The following MICAL3 variants were observed in gnomAD, a reference collection of about 807,000 sequenced individuals.
The protein encoded by MICAL3 is microtubule associated monooxygenase, calponin and LIM domain containing 3.
In MICAL3, 62 loss-of-function variants were observed where a neutral mutation model predicts 207.4. That is an observed-to-expected ratio of 0.30 (90% confidence interval 0.24 to 0.37). The LOEUF (loss-of-function observed/expected upper bound fraction) is 0.37, where lower values mean the gene tolerates loss of function less well. Among genes scored for constraint, MICAL3 ranks in the 10% least tolerant of loss-of-function variants. The pLI, the probability that MICAL3 is intolerant of heterozygous loss-of-function variation, is 1.00. For synonymous variants in MICAL3, 1,077 were observed against 1,069.3 expected (o/e 1.01, Z -0.14); for missense variants, 2,368 against 2,635.6 (o/e 0.90, Z 2.22).
intron 20 of MICAL3, among the ~76,000 whole-genome samples, 172 bp from the exon 21 acceptor site, chr22:17,832,279 T>C (rs1922886757): frequency 6.6e-6 from 1 of 152,196 alleles, no homozygotes; most frequent in African/African-American, 2.4e-5. Flanking sequence ...TACCTGGGCA[T>C]GAGAAGCCAC....
chr22:17,996,811 A>G (rs116988777), intron 1 of MICAL3, among the ~76,000 whole-genome samples: 2,680 of 152,252 alleles, frequency 0.018, 28 homozygotes, highest in Middle Eastern at 0.034. Context: ...CGGAAGCTAA[A>G]GACCAAAAAG....
chr22:18,010,881 G>A (rs762596309), intron 1 of MICAL3, among the ~76,000 whole-genome samples: 5 of 152,078 alleles, frequency 3.3e-5, no homozygotes, highest in Non-Finnish European at 7.4e-5. Context: ...AATGGGGTAT[G>A]CCTTTCCCCA....
intron 1 of MICAL3, among the ~76,000 whole-genome samples, chr22:17,952,107 T>G (rs1934378675): frequency 6.6e-6 from 1 of 152,242 alleles, no homozygotes; most frequent in African/African-American, 2.4e-5. Context: ...GGAACGGGAC[T>G]GCAGCACTGG....
At chr22:17,968,075 T>C (rs927446791) in intron 1 of MICAL3, among the ~76,000 whole-genome samples, 1 of 151,002 alleles carries the variant, frequency 6.6e-6, no homozygotes, top group African/African-American at 2.4e-5. Flanking sequence ...AAAAATTAAA[T>C]AAAAATAATT....
chr22:17,904,767 C>G lies in MICAL3; in HGVS notation c.337G>C (p.Val113Leu), dbSNP rs750448038. 9.3e-6 allele frequency: 15 copies of G among 1,613,840 alleles called. No homozygotes were observed. The South Asian group carries it at 1.1e-4, about 12-fold the overall frequency. ...AAGGCATCTCGTTTCTCAATAACAA[C>G]CACCTTGGCCCCCAGTAAGGATAAG... ...IDLSLLGAKVVVIEKRDAFSR... is the reference protein window; with the variant it reads ...IDLSLLGAKVLVIEKRDAFSR... The change falls in exon 3 of 32, where the codon GTT (valine) becomes CTT (leucine). Residue 113 changes from valine (V) to leucine (L), a missense_variant. Physicochemically the swap from Val to Leu is conservative, Grantham distance 32. This residue lies in a region of MICAL3 where 400 missense variants were observed against 547.0 expected (regional missense o/e 0.73). Transcript: ENST00000441493.
intron 20 of MICAL3, among the ~76,000 whole-genome samples, chr22:17,837,212 G>A (rs1266170435): frequency 6.6e-6 from 1 of 152,368 alleles, no homozygotes; most frequent in Admixed American, 6.5e-5. Context: ...GCAGGAAAAG[G>A]GAGTGAGGCG....
chr22:18,011,878 C>T (rs34917269), intron 1 of MICAL3, among the ~76,000 whole-genome samples: 8,635 of 150,316 alleles, frequency 0.057, 353 homozygotes, highest in East Asian at 0.15. Context: ...GGCGACGGAG[C>T]GAGACTCTGT....
intron 16 of MICAL3, among the ~76,000 whole-genome samples, chr22:17,874,977 G>A (rs1221556173): frequency 6.6e-6 from 1 of 152,196 alleles, no homozygotes; most frequent in African/African-American, 2.4e-5. Flanking sequence ...CCTACAACTG[G>A]ACCAGCGCTA....
intron 19 of MICAL3, among the ~76,000 whole-genome samples, chr22:17,843,663 C>A (rs532403793): frequency 6.6e-6 from 1 of 152,354 alleles, no homozygotes; most frequent in Admixed American, 6.5e-5. Flanking sequence ...TTCCACTTAA[C>A]GCCTGCCACC....
rs534966888 is a variant in MICAL3, at chr22:17,915,788, TTC to T, written c.-74-8904_-74-8903del. 1.6e-3 allele frequency among the ~76,000 whole-genome samples: 248 copies of T among 152,096 alleles called. 2 individuals are homozygous for T. Among genetic ancestry groups the T allele is most frequent in the African/African-American group, 5.8e-3 (241 of 41,512 alleles). ...AATGTTCATTTCTCAAGGATTCGATTTCTGTGTAGAAGACCAAAATAGGCTGG... is the reference window on the plus strand; with the variant it reads ...AATGTTCATTTCTCAAGGATTCGATTTGTGTAGAAGACCAAAATAGGCTGG... On this transcript the variant is annotated intron_variant, in intron 1 of 31. Transcript: ENST00000441493.
At chr22:17,808,812 G>C in intron 29 of MICAL3, 32 bp downstream of exon 29, 1 of 1,530,736 alleles carries the variant, frequency 6.5e-7, no homozygotes, top group South Asian at 1.2e-5. Context: ...GCTTCCTCCA[G>C]GAGCAGAGCT....
intron 20 of MICAL3, among the ~76,000 whole-genome samples, chr22:17,833,840 G>A (rs563695841): frequency 6.2e-4 from 95 of 152,230 alleles, no homozygotes; most frequent in Middle Eastern, 3.4e-3. Flanking sequence ...TACTCCTGGC[G>A]TATCGTCACA....
At chr22:17,953,582 G>A (rs1310015496) in intron 1 of MICAL3, among the ~76,000 whole-genome samples, 1 of 152,046 alleles carries the variant, frequency 6.6e-6, no homozygotes, top group East Asian at 1.9e-4. Context: ...CAGGGCGGGG[G>A]ACATCAATAC....
At chr22:17,951,019 C>T (rs549983520) in intron 1 of MICAL3, among the ~76,000 whole-genome samples, 184 of 152,334 alleles carry the variant, frequency 1.2e-3, no homozygotes, top group Non-Finnish European at 2.1e-3. Context: ...TCTCCTACCA[C>T]GGGTCTTCCG....
At chr22:17,960,533 C>T in intron 1 of MICAL3, among the ~76,000 whole-genome samples, 1 of 152,150 alleles carries the variant, frequency 6.6e-6, no homozygotes, top group Middle Eastern at 3.2e-3. Flanking sequence ...CACCCTGGAA[C>T]ACCCCGCCCA....
At chr22:17,832,551 C>T (rs181360544) in intron 20 of MICAL3, among the ~76,000 whole-genome samples, 25 of 152,290 alleles carry the variant, frequency 1.6e-4, no homozygotes, top group African/African-American at 3.9e-4. Flanking sequence ...ACACTGAGAT[C>T]GCTGGTTTAC....
chr22:17,855,994 C>T (rs1925843607), intron 19 of MICAL3, among the ~76,000 whole-genome samples: 1 of 152,256 alleles, frequency 6.6e-6, no homozygotes, highest in Admixed American at 6.5e-5. Flanking sequence ...TGCCTAACTC[C>T]TATGTGCCTG....
chr22:17,868,823 G>A (rs771105723), intron 17 of MICAL3, among the ~76,000 whole-genome samples: 77 of 151,996 alleles, frequency 5.1e-4, no homozygotes, highest in Admixed American at 2.6e-3. Context: ...TGAACACCGA[G>A]AGCCCCCAGG....
chr22:17,951,553 T>C (rs559274772), intron 1 of MICAL3, among the ~76,000 whole-genome samples: 127 of 152,000 alleles, frequency 8.4e-4, no homozygotes, highest in Non-Finnish European at 5.1e-4. Flanking sequence ...CATGACCTTG[T>C]TCAGGTCAAA....
Sources: allele counts gnomAD v4.1 joint callset (sites outside exome capture counted in the v4.1 genomes callset), GRCh38; gene constraint gnomAD v4.1.1; regional missense constraint gnomAD v4.1.1; transcripts MANE v1.5; gene names NCBI Gene and HGNC (gene_info 2026-07-23, HGNC 2026-07-21).